The following UBE2O variants were observed in gnomAD, a reference collection of about 807,000 sequenced individuals.
UBE2O encodes (E3-independent) E2 ubiquitin-conjugating enzyme.
A neutral mutation model predicts 125.8 loss-of-function variants in UBE2O; 15 were observed. The observed-to-expected ratio is 0.12, with a 90% CI of 0.08 to 0.18. The LOEUF (loss-of-function observed/expected upper bound fraction) is 0.18, where lower values mean the gene tolerates loss of function less well. Among genes scored for constraint, UBE2O ranks in the 10% least tolerant of loss-of-function variants. The pLI, the probability that UBE2O is intolerant of heterozygous loss-of-function variation, is 1.00. For synonymous variants in UBE2O, 708 were observed against 703.2 expected, an observed-to-expected ratio of 1.01 and a Z score of -0.11; for missense variants, 1,280 against 1,723.6, an observed-to-expected ratio of 0.74 and a Z score of 4.56.
intron 1 of UBE2O, among the ~76,000 whole-genome samples, chr17:76,424,858 T>A (rs894184947): frequency 2.0e-5 from 3 of 148,782 alleles, no homozygotes; most frequent in African/African-American, 7.3e-5. Flanking sequence ...TCTTTTTTTT[T>A]TTTTATTTTT....
rs1005828341 is a variant in UBE2O, at chr17:76,451,855, G to A, written c.417+870C>T. ...GGAAAACAAGCCACCAAACCAACCC[G>A]GGTTCAAGGTTTCGGGTTTATGATG... On this transcript the variant is annotated intron_variant, in intron 1 of 17. Transcript: ENST00000319380. Among the ~76,000 whole-genome samples, 85 of 152,128 alleles carry A rather than the reference G, an allele frequency of 5.6e-4. No homozygotes were observed. The Middle Eastern group carries it at 0.01, about 18-fold the overall frequency.
At chr17:76,392,540 C>A (rs1238227816) in intron 15 of UBE2O, among the ~76,000 whole-genome samples, 1 of 151,694 alleles carries the variant, frequency 6.6e-6, no homozygotes, top group East Asian at 2.0e-4. Context: ...GCTGGGTTTA[C>A]AGCCCTGAGC....
chr17:76,390,746 A>C lies in UBE2O; in HGVS notation c.*197T>G. The C allele has an allele frequency of 4.0e-6, 2 of 498,978 alleles. No individual in the cohort carries two copies. Among genetic ancestry groups the C allele is most frequent in the Non-Finnish European group, 3.4e-6 (1 of 292,296 alleles). 30.9% of individuals were successfully genotyped at this position (498,978 alleles called of 1,614,324 possible). ...TTGCCACAGGGGACCCGCCTGTTGA[A>C]AGCTCGCTTCAAAATAGAAACGGCA... On this transcript the variant is annotated 3_prime_UTR_variant, in exon 18 of 18. Transcript: ENST00000319380.
intron 1 of UBE2O, among the ~76,000 whole-genome samples, chr17:76,422,636 G>A (rs1401282354): frequency 6.6e-6 from 1 of 152,220 alleles, no homozygotes; most frequent in Non-Finnish European, 1.5e-5. Context: ...ACAGGGAACA[G>A]CCATGGCTCA....
intron 1 of UBE2O, chr17:76,430,483 A>G (rs1277434514): frequency 7.6e-6 from 2 of 261,590 alleles, no homozygotes; most frequent in East Asian, 1.2e-4. Context: ...CATTTTCTAC[A>G]AAATGGGTGG....
rs112750934 is a variant in UBE2O at position 76,410,449 on chromosome 17, G to A, written c.418-4877C>T. On this transcript the variant is annotated intron_variant, in intron 1 of 17. Coordinates refer to ENST00000319380, the MANE Select transcript of UBE2O (RefSeq NM_022066.4). The surrounding 1 kb of genome is among the most constrained non-coding windows in gnomAD (Gnocchi z 4.0). ...AACAACGCACAGGACATCCCTCAAC[G>A]AAGAATGGCGTGGCCAACGCACCCG... Among the ~76,000 whole-genome samples the A allele has an allele frequency of 8.6e-3, 1,303 of 152,200 alleles. 23 individuals are homozygous for A. Among genetic ancestry groups the A allele is most frequent in the African/African-American group, 0.029 (1,194 of 41,508 alleles).
At chr17:76,429,047 G>A (rs535623773) in intron 1 of UBE2O, among the ~76,000 whole-genome samples, 4 of 151,664 alleles carry the variant, frequency 2.6e-5, no homozygotes, top group Non-Finnish European at 4.4e-5. Context: ...GATTACGGGC[G>A]CATGCCACCA....
chr17:76,439,378 T>C (rs1205563493), intron 1 of UBE2O, among the ~76,000 whole-genome samples: 1 of 152,170 alleles, frequency 6.6e-6, no homozygotes, highest in East Asian at 1.9e-4. Context: ...GGCCCAGGGA[T>C]CCCTGAAACC....
chr17:76,429,163 G>C (rs917158967), intron 1 of UBE2O, among the ~76,000 whole-genome samples: 28 of 151,850 alleles, frequency 1.8e-4, no homozygotes, highest in African/African-American at 6.8e-4. Flanking sequence ...GCCTCCCAAA[G>C]TGCTGGGATT....
Position 76,390,981 on chromosome 17 carries a change from G to A in UBE2O, c.3841C>T (p.Leu1281=), listed in dbSNP as rs779645105. 6 of 1,612,792 alleles carry A rather than the reference G, an allele frequency of 3.7e-6. No homozygotes were observed. The highest frequency in any genetic ancestry group is 5.1e-6 in the Non-Finnish European group (6 of 1,179,500). Reference sequence around the variant, plus strand: ...GTGCACTCCGGCATGCCTGCCTCTAGCAGGGCAGCCCGGAACTGCGTCAGG... The same window carrying A: ...GTGCACTCCGGCATGCCTGCCTCTAACAGGGCAGCCCGGAACTGCGTCAGG... ...GVLTQFRAAL[L]EAGMPECTED... The change falls in exon 18 of 18, where the codon CTA becomes TTA. Residue 1281 remains leucine, a synonymous_variant. Transcript: ENST00000319380.
rs2143687412 is a variant in UBE2O, at chr17:76,396,821, G to A, written c.2116C>T (p.His706Tyr). 1.9e-6 allele frequency: 3 copies of A among 1,579,330 alleles called. No homozygotes were observed. The East Asian group carries it at 6.7e-5, about 35-fold the overall frequency. ...DNSKTIILPQ[H>Y]LYNIESEIEE... ...ATCTCAGACTCTATGTTGTACAAGT[G>A]CTGGGGGCAGAAGGGAAGTGCCAGG... The change falls in exon 14 of 18, where the codon CAC (histidine) becomes TAC (tyrosine). Residue 706 changes from histidine (H) to tyrosine (Y), a missense_variant and splice_region_variant. This residue lies in a region of UBE2O where 210 missense variants were observed against 268.9 expected (regional missense o/e 0.78). Transcript: ENST00000319380. This position sits in a 1 kb window ranked among gnomAD's most constrained non-coding sequence, Gnocchi z 6.7.
At chr17:76,444,072 T>C (rs541110423) in intron 1 of UBE2O, among the ~76,000 whole-genome samples, 67 of 151,336 alleles carry the variant, frequency 4.4e-4, no homozygotes, top group Non-Finnish European at 8.0e-4. Flanking sequence ...AAGACAAATA[T>C]TACTCGGACG....
At position 76,396,216 on chromosome 17, in the gene UBE2O, C is replaced by T. The variant is rs201264179; in HGVS notation, c.2721G>A (p.Pro907=). 50 of 1,614,142 alleles carry T rather than the reference C, an allele frequency of 3.1e-5. No homozygotes were observed. Among genetic ancestry groups the T allele is most frequent in the Non-Finnish European group, 3.7e-5 (44 of 1,180,042 alleles). Residue 907 remains proline (P), a synonymous_variant, in exon 14 of 18, where the codon CCG becomes CCA. Transcript: ENST00000319380. This position sits in a 1 kb window ranked among gnomAD's most constrained non-coding sequence, Gnocchi z 6.7. The part of the protein sequence containing the change: ...PVKAEWPSET[P]VLCQQCGGKP... ...TGCCGCCACACTGCTGGCACAGCAC[C>T]GGGGTTTCGCTGGGCCACTCAGCCT... is the stretch of plus-strand genomic sequence containing the variant.
rs184947149 is a variant in UBE2O at position 76,398,952 on chromosome 17, G to A, written c.1668C>T (p.Asp556=). 31 of 1,614,098 alleles carry A rather than the reference G, an allele frequency of 1.9e-5. No homozygotes were observed. The highest frequency in any genetic ancestry group is 1.5e-4 in the African/African-American group (11 of 75,052). The change falls in exon 10 of 18, where the codon GAC becomes GAT. Residue 556 remains aspartate, a synonymous_variant. Transcript: ENST00000319380. The surrounding 1 kb of genome is among the most constrained non-coding windows in gnomAD (Gnocchi z 5.4). The part of the protein sequence containing the change: ...VEVVTTMTSA[D]VMWQDGSVEC... ...CCACGGAGCCATCCTGCCACATCAC[G>A]TCGGCTGAGGTCATCGTGGTCACCA...
At chr17:76,423,042 A>C (rs2072735787) in intron 1 of UBE2O, among the ~76,000 whole-genome samples, 1 of 152,178 alleles carries the variant, frequency 6.6e-6, no homozygotes, top group Non-Finnish European at 1.5e-5. Context: ...CAGCAGTCCC[A>C]ATGGGTGGCG....
At chr17:76,434,644 C>T (rs2072957294) in intron 1 of UBE2O, among the ~76,000 whole-genome samples, 1 of 152,080 alleles carries the variant, frequency 6.6e-6, no homozygotes, top group Non-Finnish European at 1.5e-5. Context: ...AAGAGTCTTG[C>T]CTTGGCTTCT....
chr17:76,391,130 C>T lies in UBE2O; in HGVS notation c.3692G>A (p.Ser1231Asn). 6.2e-7 allele frequency: 1 copy of T among 1,614,090 alleles called. No individual in the cohort carries two copies. The highest frequency in any genetic ancestry group is 8.5e-7 in the Non-Finnish European group (1 of 1,180,000). ...CTTTCTCCGCTTCTTTGGTTTCACA[C>T]TGGGTGGCACCGATGCGTCTGGTGC... is the stretch of plus-strand genomic sequence containing the variant. The part of the protein sequence containing the change: ...ETAPDASVPP[S>N]VKPKKRRKSY... The change falls in exon 18 of 18, where the codon AGT (serine) becomes AAT (asparagine). Residue 1231 changes from serine to asparagine, a missense_variant. This residue lies in a region of UBE2O where 233 missense variants were observed against 279.0 expected (regional missense o/e 0.84). Transcript: ENST00000319380. This position sits in a 1 kb window ranked among gnomAD's most constrained non-coding sequence, Gnocchi z 8.4.
Position 76,391,600 on chromosome 17 carries a change from T to A in UBE2O, c.3222A>T (p.Val1074=). ...VLISIQGLIL[V]NEPYYNEAGF... ...CGGCTTCGTTGTAGTATGGTTCATT[T>A]ACCAGGATCAGACCTGTGTGGGCGG... The change falls in exon 18 of 18, where the codon GTA becomes GTT. Residue 1074 remains valine, a synonymous_variant. Transcript: ENST00000319380. This position sits in a 1 kb window ranked among gnomAD's most constrained non-coding sequence, Gnocchi z 8.4. 4.3e-6 allele frequency: 7 copies of A among 1,613,314 alleles called. No individual in the cohort carries two copies. Among genetic ancestry groups the A allele is most frequent in the Non-Finnish European group, 5.9e-6 (7 of 1,179,408 alleles).
Position 76,398,712 on chromosome 17 carries a change from G to T in UBE2O, c.1783+125C>A, listed in dbSNP as rs928507932. The T allele has an allele frequency of 1.4e-6, 2 of 1,464,082 alleles. No homozygotes were observed. The highest frequency in any genetic ancestry group is 2.3e-5 in the East Asian group (1 of 44,012). 90.7% of individuals were successfully genotyped at this position (1,464,082 alleles called of 1,614,324 possible). A position where few individuals can be genotyped will look rare whatever the true frequency, so the allele number is the denominator to read the frequency against. On this transcript the variant is annotated intron_variant, in intron 10 of 17. Transcript: ENST00000319380. This position sits in a 1 kb window ranked among gnomAD's most constrained non-coding sequence, Gnocchi z 5.4. The stretch of plus-strand genomic sequence containing the variant: ...TGGAAGTGGTGAGACCCCTTCATGA[G>T]GGCAGTCCCCTTCTGGACCTCATTT...
Sources: gnomAD v4.1 joint callset for allele counts (sites outside exome capture counted in the v4.1 genomes callset) on GRCh38, gnomAD v4.1.1 for gene constraint, gnomAD v4.1.1 regional missense constraint, Gnocchi (gnomAD v3.1) non-coding constraint, MANE v1.5 for transcripts, NCBI Gene and HGNC (gene_info 2026-07-23, HGNC 2026-07-21) for gene names.